OGDH: variants seen among roughly 807,000 people sequenced by gnomAD.
OGDH encodes oxoglutarate dehydrogenase, also known as 2-oxoglutarate dehydrogenase complex component E1.
In OGDH, 38 loss-of-function variants were observed where a neutral mutation model predicts 116.6. The observed-to-expected ratio is 0.33, with a 90% CI of 0.25 to 0.43. The LOEUF is 0.43. Ranked by LOEUF, OGDH falls within the 20% of genes least tolerant of loss-of-function variation. The pLI is 1.00. For synonymous variants in OGDH, 488 were observed against 533.3 expected (o/e 0.92, Z 1.17); for missense variants, 825 against 1,357.2 (o/e 0.61, Z 6.16).
At chr7:44,676,224 A>G (rs1385828939) in intron 9 of OGDH, 75 bp downstream of exon 9, 2 of 1,613,126 alleles carry the variant, frequency 1.2e-6, no homozygotes, top group Non-Finnish European at 1.7e-6. Flanking sequence ...GCTCACCAAC[A>G]TAACCCAGAG....
At chr7:44,631,943 T>C (rs1424121409) in intron 2 of OGDH, among the ~76,000 whole-genome samples, 3 of 151,986 alleles carry the variant, frequency 2.0e-5, no homozygotes, top group African/African-American at 7.3e-5. Context: ...TGAAAGGAAG[T>C]GCATTATGCT....
chr7:44,635,376 G>C (rs1785618643), intron 2 of OGDH, among the ~76,000 whole-genome samples: 1 of 152,182 alleles, frequency 6.6e-6, no homozygotes, highest in Admixed American at 6.5e-5. Context: ...CAACTTATCA[G>C]CTGTGCGAGG....
At chr7:44,649,247 T>TG (rs1418425439) in intron 4 of OGDH, among the ~76,000 whole-genome samples, 6 of 111,398 alleles carry the variant, frequency 5.4e-5, no homozygotes, top group African/African-American at 2.3e-4. Context: ...TTTCTGTTGT[T>TG]TTTTTTTTTT....
chr7:44,694,583 C>G lies in OGDH; in HGVS notation c.1668+7C>G. The G allele has an allele frequency of 1.9e-6, 3 of 1,613,556 alleles. No homozygotes were observed. The highest frequency in any genetic ancestry group is 1.7e-6 in the Non-Finnish European group (2 of 1,179,544). ...CAACCAGCCTGAGTATGAGGTACGT[C>G]CCTGCGGCTCTATCCCAGTGCGCCT... On this transcript the variant is annotated splice_region_variant and intron_variant, in intron 12 of 22. Coordinates refer to ENST00000222673, the MANE Select transcript of OGDH (RefSeq NM_002541.4). The surrounding 1 kb of genome is among the most constrained non-coding windows in gnomAD (Gnocchi z 4.2).
At chr7:44,691,449 T>C (rs1788359346) in intron 10 of OGDH, among the ~76,000 whole-genome samples, 2 of 149,414 alleles carry the variant, frequency 1.3e-5, no homozygotes, top group Non-Finnish European at 3.0e-5. Context: ...GGAGGATTGC[T>C]TGAGCCCGGG....
At chr7:44,666,943 C>T in intron 5 of OGDH, 92 bp downstream of exon 5, 1 of 733,970 alleles carries the variant, frequency 1.4e-6, no homozygotes, top group Admixed American at 3.0e-5. Context: ...TTTTCTTTGT[C>T]CTATCTTTCT....
intron 4 of OGDH, among the ~76,000 whole-genome samples, chr7:44,664,260 C>T (rs532533465): frequency 2.0e-5 from 3 of 152,168 alleles, no homozygotes; most frequent in East Asian, 3.9e-4. Context: ...AAGTATCCAC[C>T]GTTACTGGGA....
chr7:44,700,718 T>TA (rs1322031409), intron 19 of OGDH, among the ~76,000 whole-genome samples: 1 of 151,778 alleles, frequency 6.6e-6, no homozygotes, highest in Non-Finnish European at 1.5e-5. Context: ...AAGTGATTCA[T>TA]AAAAAGGAAG....
intron 20 of OGDH, among the ~76,000 whole-genome samples, chr7:44,705,812 G>T (rs866586552): frequency 6.6e-6 from 1 of 152,170 alleles, no homozygotes; most frequent in Non-Finnish European, 1.5e-5. Flanking sequence ...CATATGATGC[G>T]TAGTGCTTAA....
At chr7:44,661,570 A>C (rs1209609455) in intron 4 of OGDH, among the ~76,000 whole-genome samples, 1 of 151,328 alleles carries the variant, frequency 6.6e-6, no homozygotes, top group Non-Finnish European at 1.5e-5. Flanking sequence ...CACATTTAAA[A>C]ATTTTTTTTT....
rs534494934 is a variant in OGDH at position 44,634,863 on chromosome 7, C to T, written c.222+10298C>T. The stretch of plus-strand genomic sequence containing the variant: ...TTTTCTTTGGAGACTTGTGCTTAGC[C>T]CAACAGCATGAATCATTTGCTGAAG... On this transcript the variant is annotated intron_variant, in intron 2 of 22. Transcript: ENST00000222673. 2.4e-4 allele frequency among the ~76,000 whole-genome samples: 37 copies of T among 152,314 alleles called. 1 individual carries two copies. Among genetic ancestry groups the T allele is most frequent in the Middle Eastern group, 6.8e-3 (2 of 294 alleles).
chr7:44,608,281 A>G (rs1784432519), intron 1 of OGDH, among the ~76,000 whole-genome samples: 1 of 152,142 alleles, frequency 6.6e-6, no homozygotes, highest in East Asian at 1.9e-4. Flanking sequence ...TACCACATAT[A>G]CTTGTAGTCG....
Position 44,707,353 on chromosome 7 carries a change from A to G in OGDH, c.2761A>G (p.Met921Val). The change falls in exon 21 of 23, where the codon ATG (methionine) becomes GTG (valine). Residue 921 changes from methionine to valine, a missense_variant. Physicochemically the swap from Met to Val is conservative, Grantham distance 21. This residue lies in a region of OGDH where 212 missense variants were observed against 284.3 expected (regional missense o/e 0.75). Coordinates refer to ENST00000222673, the MANE Select transcript of OGDH (RefSeq NM_002541.4). This position sits in a 1 kb window ranked among gnomAD's most constrained non-coding sequence, Gnocchi z 5.2. ...CACCCGGGAGCGCAAAGCACGCGAC[A>G]TGGTGGGGCAGGTGGCCATCACAAG... ...DLTRERKARD[M>V]VGQVAITRIE... is the part of the protein sequence containing the mutation. 1.9e-6 allele frequency: 3 copies of G among 1,614,266 alleles called. No homozygotes were observed. The highest frequency in any genetic ancestry group is 1.1e-5 in the South Asian group (1 of 91,090).
chr7:44,699,753 A>C (rs1345024740), intron 18 of OGDH, among the ~76,000 whole-genome samples: 4 of 152,210 alleles, frequency 2.6e-5, no homozygotes, highest in Non-Finnish European at 5.9e-5. Context: ...ACAGTTCTGT[A>C]GGCTGTACAG....
chr7:44,660,503 G>C (rs1357676536), intron 4 of OGDH, among the ~76,000 whole-genome samples: 1 of 152,096 alleles, frequency 6.6e-6, no homozygotes, highest in Non-Finnish European at 1.5e-5. Flanking sequence ...CACCCTATAT[G>C]ATTTGAATTG....
chr7:44,649,470 C>T (rs1163767976), intron 4 of OGDH, among the ~76,000 whole-genome samples: 2 of 151,816 alleles, frequency 1.3e-5, no homozygotes, highest in Admixed American at 1.3e-4. Flanking sequence ...CCTCAGCCTC[C>T]CAAAGTGCTG....
At chr7:44,609,270 G>A (rs1055161862) in intron 1 of OGDH, among the ~76,000 whole-genome samples, 1 of 150,212 alleles carries the variant, frequency 6.7e-6, no homozygotes, top group Non-Finnish European at 1.5e-5. Context: ...ACTTTGGGAG[G>A]CTGAGGCAGG....
chr7:44,616,324 C>G (rs1289713685), intron 1 of OGDH, among the ~76,000 whole-genome samples: 1 of 152,132 alleles, frequency 6.6e-6, no homozygotes, highest in Non-Finnish European at 1.5e-5. Flanking sequence ...ATGGGCATCT[C>G]AGATGCTGTG....
chr7:44,673,968 G>T (rs751656392), intron 6 of OGDH, 27 bp downstream of exon 6: 1 of 1,613,180 alleles, frequency 6.2e-7, no homozygotes, highest in African/African-American at 1.3e-5. Context: ...GGGCCATGGG[G>T]CAGACATTCC....
Sources: gnomAD v4.1 joint callset for allele counts (sites outside exome capture counted in the v4.1 genomes callset) on GRCh38, gnomAD v4.1.1 for gene constraint, gnomAD v4.1.1 regional missense constraint, Gnocchi (gnomAD v3.1) non-coding constraint, MANE v1.5 for transcripts, NCBI Gene and HGNC (gene_info 2026-07-23, HGNC 2026-07-21) for gene names.